The following KLHDC1 variants were observed in gnomAD, a reference collection of about 807,000 sequenced individuals.
KLHDC1 encodes kelch domain-containing protein 1.
In KLHDC1, 53 loss-of-function variants were observed where a neutral mutation model predicts 68.3. The ratio of observed to expected loss-of-function variants is 0.78; its 90% CI spans 0.62 to 0.98. KLHDC1 has a LOEUF of 0.98. KLHDC1 is among the 50% of genes least tolerant of loss of function. KLHDC1 has a pLI of 0.00. For synonymous variants in KLHDC1, 148 were observed against 159.0 expected (o/e 0.93, Z 0.52); for missense variants, 470 against 492.3 (o/e 0.95, Z 0.43).
At position 49,746,952 on chromosome 14, in the gene KLHDC1, T is replaced by C. The variant is rs932505962; in HGVS notation, c.1034+3147T>C. 7.6e-5 allele frequency among the ~76,000 whole-genome samples: 11 copies of C among 144,904 alleles called. No homozygotes were observed. The South Asian group carries it at 1.1e-3, about 14-fold the overall frequency. On this transcript the variant is annotated intron_variant, in intron 12 of 12. Transcript: ENST00000359332. ...CCCTTCCAGTTTTAGCTTTCTCTCT[T>C]TTTTTTTTTTTTTTTGAGACGGAGT...
At chr14:49,711,367 AT>A (rs1364675431) in intron 4 of KLHDC1, among the ~76,000 whole-genome samples, 3 of 151,124 alleles carry the variant, frequency 2.0e-5, no homozygotes, top group Non-Finnish European at 4.4e-5. Context: ...ACGCTGGCTA[AT>A]TTTTTTTTGT....
At chr14:49,709,254 G>C (rs369752714) in intron 2 of KLHDC1, 25 bp downstream of exon 2, 3 of 983,732 alleles carry the variant, frequency 3.0e-6, no homozygotes, top group African/African-American at 3.3e-5. Context: ...ATTGCATACT[G>C]TCTGATCTTA....
chr14:49,718,262 G>A (rs186984501), intron 4 of KLHDC1, among the ~76,000 whole-genome samples: 48 of 151,990 alleles, frequency 3.2e-4, no homozygotes, highest in African/African-American at 1.2e-3. Context: ...CTTCTTCATG[G>A]TATTCTGGTG....
intron 8 of KLHDC1, among the ~76,000 whole-genome samples, chr14:49,732,354 G>A (rs1327307309): frequency 2.0e-5 from 3 of 152,002 alleles, no homozygotes; most frequent in Non-Finnish European, 4.4e-5. Flanking sequence ...TTGTATTTTA[G>A]TAGAGATGGG....
intron 1 of KLHDC1, chr14:49,708,486 ATAAG>A (rs1187953736): frequency 3.3e-5 from 5 of 152,212 alleles, no homozygotes; most frequent in Non-Finnish European, 7.3e-5. Flanking sequence ...TAAGCTCAAA[ATAAG>A]TAAGATTGTT....
intron 12 of KLHDC1, among the ~76,000 whole-genome samples, chr14:49,747,750 A>G (rs978072533): frequency 2.6e-5 from 4 of 152,156 alleles, no homozygotes; most frequent in African/African-American, 7.2e-5. Flanking sequence ...TCTGCGGGAT[A>G]TATAACAAAG....
At chr14:49,716,387 C>CTT (rs767551225) in intron 4 of KLHDC1, among the ~76,000 whole-genome samples, 1 of 142,902 alleles carries the variant, frequency 7.0e-6, no homozygotes, top group Non-Finnish European at 1.5e-5. Context: ...TCTTGCTACG[C>CTT]TTTTTTTTTT....
chr14:49,700,247 G>C (rs1000793175), intron 1 of KLHDC1: 2 of 179,504 alleles, frequency 1.1e-5, no homozygotes, highest in Middle Eastern at 2.3e-3. Context: ...GGCTGGTCTC[G>C]AACTCCTGAC....
At position 49,732,824 on chromosome 14, in the gene KLHDC1, G is replaced by T. The variant is rs189352724; in HGVS notation, c.823+8G>T. 7.9e-7 allele frequency: 1 copy of T among 1,269,850 alleles called. No homozygotes were observed. Among genetic ancestry groups the T allele is most frequent in the Non-Finnish European group, 1.1e-6 (1 of 871,378 alleles). The allele number at this position is 1,269,850 out of a possible 1,614,324, so 78.7% of individuals were successfully genotyped here. On this transcript the variant is annotated splice_region_variant and intron_variant, in intron 9 of 12. Transcript: ENST00000359332. The stretch of plus-strand genomic sequence containing the variant: ...CAGATAATATCCCATTAAGTAAGTT[G>T]ATTAAGGTTTAGCCTATAATTATTA...
chr14:49,741,800 A>G (rs148475681), intron 11 of KLHDC1, among the ~76,000 whole-genome samples: 8 of 152,262 alleles, frequency 5.3e-5, no homozygotes, highest in Admixed American at 2.6e-4. Flanking sequence ...TATACACTAT[A>G]CACAATGGGA....
At chr14:49,705,107 G>A (rs1487900699) in intron 1 of KLHDC1, among the ~76,000 whole-genome samples, 2 of 152,070 alleles carry the variant, frequency 1.3e-5, no homozygotes, top group African/African-American at 2.4e-5. Context: ...CAAAAAAGGA[G>A]GAGTTAGGCA....
At chr14:49,717,828 A>C (rs923307399) in intron 4 of KLHDC1, among the ~76,000 whole-genome samples, 1 of 151,994 alleles carries the variant, frequency 6.6e-6, no homozygotes, top group Non-Finnish European at 1.5e-5. Flanking sequence ...TACTGATTCA[A>C]TCATCTTACT....
intron 10 of KLHDC1, among the ~76,000 whole-genome samples, chr14:49,739,440 A>G (rs946038766): frequency 2.0e-5 from 3 of 152,192 alleles, no homozygotes; most frequent in African/African-American, 7.2e-5. Flanking sequence ...GTTATTAGCC[A>G]TATGTAGCTG....
At chr14:49,742,353 A>G (rs938871556) in intron 11 of KLHDC1, among the ~76,000 whole-genome samples, 1 of 152,232 alleles carries the variant, frequency 6.6e-6, no homozygotes, top group Non-Finnish European at 1.5e-5. Context: ...ATAATCTTCC[A>G]GATCTTGACT....
chr14:49,740,400 C>T (rs1010544791), intron 11 of KLHDC1, among the ~76,000 whole-genome samples: 4 of 152,084 alleles, frequency 2.6e-5, no homozygotes, highest in Non-Finnish European at 4.4e-5. Flanking sequence ...TGCAGTGGTG[C>T]GATCTCGGCT....
intron 4 of KLHDC1, among the ~76,000 whole-genome samples, chr14:49,719,549 C>T (rs922467166): frequency 6.6e-6 from 1 of 151,858 alleles, no homozygotes; most frequent in African/African-American, 2.4e-5. Context: ...CTGCCTCAGC[C>T]TCCTGAGTAG....
chr14:49,734,638 A>G lies in KLHDC1; in HGVS notation c.873A>G (p.Thr291=), dbSNP rs778715886. Residue 291 remains threonine, a synonymous_variant, in exon 10 of 13, where the codon ACA becomes ACG. Coordinates refer to ENST00000359332, the MANE Select transcript of KLHDC1 (RefSeq NM_172193.3). Reference sequence around the variant, plus strand: ...CAACAAATTGTTGGAAACAACTTACACATTTACCTAAAACAAGACCTAGGT... The same window carrying G: ...CAACAAATTGTTGGAAACAACTTACGCATTTACCTAAAACAAGACCTAGGT... ...NVTTNCWKQL[T]HLPKTRPRLW... 6 of 1,594,572 alleles carry G rather than the reference A, an allele frequency of 3.8e-6. No individual in the cohort carries two copies. In the South Asian group the frequency reaches 4.5e-5, roughly 12 times the overall value.
intron 1 of KLHDC1, among the ~76,000 whole-genome samples, chr14:49,700,751 G>C (rs1007427300): frequency 6.6e-6 from 1 of 152,156 alleles, no homozygotes; most frequent in African/African-American, 2.4e-5. Flanking sequence ...TAGTTGACTT[G>C]ATGCAAGTAG....
chr14:49,695,799 T>C (rs1887723513), intron 1 of KLHDC1, among the ~76,000 whole-genome samples: 1 of 152,180 alleles, frequency 6.6e-6, no homozygotes, highest in Non-Finnish European at 1.5e-5. Flanking sequence ...GCACGTTGGC[T>C]CACGCCTGTA....
Sources: gnomAD v4.1 joint callset for allele counts (sites outside exome capture counted in the v4.1 genomes callset) on GRCh38, gnomAD v4.1.1 for gene constraint, MANE v1.5 for transcripts, NCBI Gene and HGNC (gene_info 2026-07-23, HGNC 2026-07-21) for gene names.